Variants in PRMT8 observed in about 807,000 individuals in gnomAD.
PRMT8 encodes protein arginine methyltransferase 8.
A neutral mutation model predicts 47.1 loss-of-function variants in PRMT8; 7 were observed. The observed-to-expected ratio is 0.15, with a 90% CI of 0.08 to 0.28. The LOEUF is 0.28. Ranked by LOEUF, PRMT8 falls within the 10% of genes least tolerant of loss-of-function variation. The pLI is 1.00. For missense variants in PRMT8, 237 were observed against 505.4 expected, an observed-to-expected ratio of 0.47 and a Z score of 5.09; for synonymous variants, 188 against 186.5, an observed-to-expected ratio of 1.01 and a Z score of -0.07.
intron 1 of PRMT8, chr12:3,469,227 G>T (rs1865135668): frequency 6.5e-6 from 3 of 459,758 alleles, no homozygotes; most frequent in Non-Finnish European, 1.3e-5. Flanking sequence ...AAGCCAGCAA[G>T]GACCAAACAC....
At chr12:3,516,611 AG>A (rs1865795296) in intron 1 of PRMT8, among the ~76,000 whole-genome samples, 1 of 152,184 alleles carries the variant, frequency 6.6e-6, no homozygotes, top group Non-Finnish European at 1.5e-5. Context: ...TAATCTGGAG[AG>A]GGCATTCTGA....
intron 1 of PRMT8, among the ~76,000 whole-genome samples, chr12:3,417,919 C>T (rs1349187919): frequency 2.0e-5 from 3 of 152,332 alleles, no homozygotes; most frequent in South Asian, 2.1e-4. Context: ...CGGCTCTGCT[C>T]CTTACCAGTT....
At chr12:3,451,200 C>A (rs1458348648) in intron 1 of PRMT8, among the ~76,000 whole-genome samples, 3 of 152,128 alleles carry the variant, frequency 2.0e-5, no homozygotes, top group East Asian at 3.8e-4. Context: ...GGCTCACAAA[C>A]TGCCAAGGAA....
chr12:3,445,080 T>A (rs995004647), intron 1 of PRMT8, among the ~76,000 whole-genome samples: 3 of 152,242 alleles, frequency 2.0e-5, no homozygotes, highest in Non-Finnish European at 4.4e-5. Context: ...AGCTGTGGCT[T>A]GGAGACAGCC....
intron 4 of PRMT8, among the ~76,000 whole-genome samples, chr12:3,563,072 G>A (rs1866662701): frequency 6.6e-6 from 1 of 152,102 alleles, no homozygotes; most frequent in South Asian, 2.1e-4. Flanking sequence ...CTGGGTATCT[G>A]CCAGGCTGGA....
chr12:3,576,887 T>C lies in PRMT8; in HGVS notation c.729T>C (p.Tyr243=), dbSNP rs567913532. The stretch of plus-strand genomic sequence containing the variant: ...CTCCCACAGGGTGGGAGAATGTCTA[T>C]GGCTTTGACATGACCTGCATCCGGG... ...DFKIHWWENV[Y]GFDMTCIRDV... The change falls in exon 7 of 10, where the codon TAT becomes TAC. Residue 243 remains tyrosine, a synonymous_variant. Coordinates refer to ENST00000382622, the MANE Select transcript of PRMT8 (RefSeq NM_019854.5). This position sits in a 1 kb window ranked among gnomAD's most constrained non-coding sequence, Gnocchi z 4.0. 3.1e-6 allele frequency: 5 copies of C among 1,614,120 alleles called. No individual in the cohort carries two copies. In the East Asian group the frequency reaches 6.7e-5, roughly 22 times the overall value.
chr12:3,412,186 G>A (rs1864437677), intron 1 of PRMT8, among the ~76,000 whole-genome samples: 1 of 152,160 alleles, frequency 6.6e-6, no homozygotes, highest in Admixed American at 6.5e-5. Context: ...TCTCAATACT[G>A]TGGGCAATTG....
chr12:3,429,874 G>A (rs538849983), intron 1 of PRMT8, among the ~76,000 whole-genome samples: 1 of 152,338 alleles, frequency 6.6e-6, no homozygotes, highest in East Asian at 1.9e-4. Flanking sequence ...GCTGGTCAGA[G>A]TCCCCCACAG....
chr12:3,559,503 G>A (rs73262044), intron 4 of PRMT8, among the ~76,000 whole-genome samples: 2,258 of 152,264 alleles, frequency 0.015, 60 homozygotes, highest in African/African-American at 0.051. Flanking sequence ...CTATTTATAT[G>A]TATTGTCAAG....
chr12:3,515,431 G>A (rs1439879662), intron 1 of PRMT8, among the ~76,000 whole-genome samples: 2 of 152,090 alleles, frequency 1.3e-5, no homozygotes, highest in Non-Finnish European at 2.9e-5. Flanking sequence ...CGAGTTAATG[G>A]GTGCAGCACA....
At position 3,569,678 on chromosome 12, in the gene PRMT8, G is replaced by A; in HGVS notation, c.712+114G>A. Reference sequence around the variant, plus strand: ...CATGAACACCATTGCTGTCCCTGAAGAGGAGCTTATCTGGGACCCTTTCTG... The same window carrying A: ...CATGAACACCATTGCTGTCCCTGAAAAGGAGCTTATCTGGGACCCTTTCTG... On this transcript the variant is annotated intron_variant, in intron 6 of 9. Transcript: ENST00000382622. The surrounding 1 kb of genome is among the most constrained non-coding windows in gnomAD (Gnocchi z 8.2). 1.2e-6 allele frequency: 1 copy of A among 851,138 alleles called. No individual in the cohort carries two copies. Among genetic ancestry groups the A allele is most frequent in the African/African-American group, 1.7e-5 (1 of 60,432 alleles). 52.7% of individuals were successfully genotyped at this position (851,138 alleles called of 1,614,324 possible).
At chr12:3,442,059 C>T (rs151175711) in intron 1 of PRMT8, among the ~76,000 whole-genome samples, 44 of 152,246 alleles carry the variant, frequency 2.9e-4, no homozygotes, top group Non-Finnish European at 5.3e-4. Context: ...ATAGCAAATG[C>T]TATTCAAAGA....
intron 1 of PRMT8, among the ~76,000 whole-genome samples, chr12:3,468,710 C>T (rs1565415266): frequency 6.6e-6 from 1 of 152,172 alleles, no homozygotes; most frequent in African/African-American, 2.4e-5. Flanking sequence ...TTATCTGGGG[C>T]CCACTTATCC....
intron 4 of PRMT8, among the ~76,000 whole-genome samples, chr12:3,560,125 C>T (rs993996679): frequency 3.0e-4 from 46 of 152,284 alleles, no homozygotes; most frequent in Middle Eastern, 6.8e-3. Flanking sequence ...AGCGAGGCCA[C>T]GCAGGGCCCT....
intron 1 of PRMT8, among the ~76,000 whole-genome samples, chr12:3,412,571 CCT>C (rs1265215833): frequency 6.6e-6 from 1 of 152,162 alleles, no homozygotes; most frequent in Non-Finnish European, 1.5e-5. Context: ...AAAATATTTT[CCT>C]TTTTTATATC....
upstream of PRMT8, among the ~76,000 whole-genome samples, chr12:3,487,854 G>A (rs149239368): frequency 6.6e-6 from 1 of 152,262 alleles, no homozygotes; most frequent in African/African-American, 2.4e-5. Context: ...TTCTTGTCCA[G>A]TTGTCCTCCA....
intron 1 of PRMT8, among the ~76,000 whole-genome samples, chr12:3,430,372 T>A (rs1424284544): frequency 6.6e-6 from 1 of 152,234 alleles, no homozygotes; most frequent in African/African-American, 2.4e-5. Flanking sequence ...TAGTTTTTAC[T>A]TCTTCTTTCT....
At chr12:3,536,480 G>C (rs527441231) in intron 1 of PRMT8, among the ~76,000 whole-genome samples, 123 of 152,334 alleles carry the variant, frequency 8.1e-4, no homozygotes, top group African/African-American at 2.9e-3. Flanking sequence ...AATCAGAGTT[G>C]AATGACAGCT....
chr12:3,403,876 C>CAAAAA (rs1315547758), intron 1 of PRMT8, among the ~76,000 whole-genome samples: 1 of 75,164 alleles, frequency 1.3e-5, no homozygotes, highest in African/African-American at 5.6e-5. Flanking sequence ...GACTCTGTCT[C>CAAAAA]AAAAAAAAAA....
Sources: allele counts gnomAD v4.1 joint callset (sites outside exome capture counted in the v4.1 genomes callset), GRCh38; gene constraint gnomAD v4.1.1; non-coding constraint Gnocchi (gnomAD v3.1); transcripts MANE v1.5; gene names NCBI Gene and HGNC (gene_info 2026-07-23, HGNC 2026-07-21).